The following RBFOX1 variants were observed in gnomAD, a reference collection of about 807,000 sequenced individuals.
RBFOX1 encodes RNA binding fox-1 homolog 1.
In RBFOX1, 8 loss-of-function variants were observed where a neutral mutation model predicts 57.7. That is an observed-to-expected ratio of 0.14 (90% CI 0.08 to 0.25). RBFOX1 has a LOEUF of 0.25. RBFOX1 is among the 10% of genes least tolerant of loss of function. The pLI is 1.00. For synonymous variants in RBFOX1, 326 were observed against 222.4 expected (o/e 1.47, Z -4.15); for missense variants, 611 against 548.5 (o/e 1.11, Z -1.14).
At chr16:6,364,092 A>C (rs1160971813) in intron 2 of RBFOX1, among the ~76,000 whole-genome samples, 1 of 152,218 alleles carries the variant, frequency 6.6e-6, no homozygotes, top group Non-Finnish European at 1.5e-5. Context: ...AGAAAGGTTT[A>C]GCCTACCCCT....
chr16:5,304,922 G>A (rs2063897180), intron 1 of RBFOX1, among the ~76,000 whole-genome samples: 1 of 152,068 alleles, frequency 6.6e-6, no homozygotes, highest in Non-Finnish European at 1.5e-5. Context: ...GACATTACTG[G>A]CAATTTGAAT....
chr16:6,933,799 T>C (rs1322478320), intron 3 of RBFOX1, among the ~76,000 whole-genome samples: 1 of 152,216 alleles, frequency 6.6e-6, no homozygotes, highest in Non-Finnish European at 1.5e-5. Context: ...GTGTTCATTT[T>C]CTATATCCAA....
intron 2 of RBFOX1, among the ~76,000 whole-genome samples, chr16:6,518,311 T>C (rs1338620964): frequency 1.3e-5 from 2 of 152,132 alleles, no homozygotes; most frequent in African/African-American, 2.4e-5. Flanking sequence ...GAAAAAATTA[T>C]TGCAAGATAC....
At position 5,449,840 on chromosome 16, in the gene RBFOX1, T is replaced by G. The variant is rs187181782; in HGVS notation, c.220-17376T>G. The stretch of plus-strand genomic sequence containing the variant: ...CCAGTCTGGTCTCAAACTCCCGGAT[T>G]CAAGTGATCGTCCCACCTCAGCCTC... On this transcript the variant is annotated intron_variant, in intron 1 of 2. Coordinates refer to the RBFOX1 transcript ENST00000585867. 2.0e-5 allele frequency among the ~76,000 whole-genome samples: 3 copies of G among 152,266 alleles called. No homozygotes were observed. In the East Asian group the frequency reaches 5.8e-4, roughly 29 times the overall value.
intron 3 of RBFOX1, among the ~76,000 whole-genome samples, chr16:7,029,726 C>T (rs989107324): frequency 7.2e-5 from 11 of 152,146 alleles, no homozygotes; most frequent in African/African-American, 2.2e-4. Context: ...GGTAGCATCT[C>T]ATGGTGTAAC....
chr16:5,361,728 C>T (rs535976925), intron 1 of RBFOX1, among the ~76,000 whole-genome samples: 1 of 152,330 alleles, frequency 6.6e-6, no homozygotes, highest in Non-Finnish European at 1.5e-5. Flanking sequence ...TGCAAGGCTC[C>T]TCCACTTTGT....
chr16:7,572,375 C>T (rs74345949), intron 5 of RBFOX1, among the ~76,000 whole-genome samples: 254 of 152,218 alleles, frequency 1.7e-3, no homozygotes, highest in African/African-American at 5.6e-3. Flanking sequence ...GAGAACTTAC[C>T]ACGGACTCCA....
intron 4 of RBFOX1, among the ~76,000 whole-genome samples, chr16:6,009,581 C>A (rs1596396035): frequency 6.6e-6 from 1 of 152,064 alleles, no homozygotes; most frequent in Admixed American, 6.6e-5. Flanking sequence ...GACAGCCCTG[C>A]TAACAATTAC....
chr16:6,945,151 T>A (rs746980333), intron 3 of RBFOX1, among the ~76,000 whole-genome samples: 17 of 151,932 alleles, frequency 1.1e-4, no homozygotes, highest in Non-Finnish European at 2.4e-4. Context: ...TACATAGGGA[T>A]GAGAGTATGG....
intron 3 of RBFOX1, among the ~76,000 whole-genome samples, chr16:6,887,753 C>A (rs541225705): frequency 1.3e-5 from 2 of 151,822 alleles, no homozygotes; most frequent in African/African-American, 4.8e-5. Flanking sequence ...ACCTCTGCCT[C>A]CCAGGTTCAA....
chr16:7,504,749 ATATATT>A (rs1198965076), intron 4 of RBFOX1, among the ~76,000 whole-genome samples: 14 of 6,242 alleles, frequency 2.2e-3, no homozygotes, highest in South Asian at 0.011. Context: ...ATATATATAT[ATATATT>A]TATATATATA....
chr16:7,364,181 C>T (rs1045835115), intron 4 of RBFOX1, among the ~76,000 whole-genome samples: 1 of 152,150 alleles, frequency 6.6e-6, no homozygotes, highest in South Asian at 2.1e-4. Context: ...TTACGTCTGA[C>T]GAGCTCTTGT....
At chr16:6,387,402 C>T (rs1045242814) in intron 2 of RBFOX1, among the ~76,000 whole-genome samples, 4 of 151,402 alleles carry the variant, frequency 2.6e-5, no homozygotes, top group African/African-American at 9.7e-5. Flanking sequence ...ATTTACACTC[C>T]TCGGATTCGT....
chr16:5,242,817 A>C (rs1596285535), intron 1 of RBFOX1, among the ~76,000 whole-genome samples: 2 of 151,954 alleles, frequency 1.3e-5, no homozygotes, highest in Admixed American at 1.3e-4. Context: ...TTTTAATGTG[A>C]CTGGGTGTCC....
At chr16:6,988,607 C>T (rs1414803245) in intron 3 of RBFOX1, among the ~76,000 whole-genome samples, 1 of 151,582 alleles carries the variant, frequency 6.6e-6, no homozygotes, top group Non-Finnish European at 1.5e-5. Context: ...GAGTCTTGCT[C>T]TGTCCCCTAG....
chr16:7,230,392 T>A (rs555699852), intron 4 of RBFOX1, among the ~76,000 whole-genome samples: 5 of 152,244 alleles, frequency 3.3e-5, no homozygotes, highest in African/African-American at 7.2e-5. Context: ...GCTTAACATA[T>A]CAGCTTCCAT....
intron 3 of RBFOX1, among the ~76,000 whole-genome samples, chr16:5,635,322 G>C (rs1278256555): frequency 1.3e-5 from 2 of 152,172 alleles, no homozygotes; most frequent in Non-Finnish European, 2.9e-5. Flanking sequence ...TTGGCATGGA[G>C]GGAATATGCA....
intron 3 of RBFOX1, among the ~76,000 whole-genome samples, chr16:5,721,864 G>A (rs539560605): frequency 6.6e-6 from 1 of 152,232 alleles, no homozygotes; most frequent in Non-Finnish European, 1.5e-5. Flanking sequence ...GTCCCAGACA[G>A]AGGACCAAGC....
intron 14 of RBFOX1, among the ~76,000 whole-genome samples, chr16:7,687,789 A>T (rs532921532): frequency 6.6e-6 from 1 of 152,036 alleles, no homozygotes; most frequent in East Asian, 1.9e-4. Context: ...CACTAGTGCA[A>T]TTTAAACCCA....
Sources: allele counts gnomAD v4.1 joint callset (sites outside exome capture counted in the v4.1 genomes callset), GRCh38; gene constraint gnomAD v4.1.1; transcripts MANE v1.5; gene names NCBI Gene and HGNC (gene_info 2026-07-23, HGNC 2026-07-21).